Variants in RFC3 observed in about 807,000 individuals in gnomAD.
RFC3 encodes A1 38 kDa subunit.
Under a neutral mutation model 45.1 loss-of-function variants are expected in RFC3, and 41 were observed. The observed-to-expected ratio is 0.91, with a 90% CI of 0.71 to 1.18. RFC3 has a LOEUF of 1.18. Ranked by LOEUF, RFC3 falls within the 50% of genes most tolerant of loss-of-function variation. The probability of loss-of-function intolerance (pLI) is 0.00; values close to 1 mark genes in which losing one functional copy is unlikely to be tolerated. For missense variants in RFC3, 423 were observed against 428.1 expected (o/e 0.99, Z 0.10); for synonymous variants, 149 against 144.0 (o/e 1.03, Z -0.25).
At chr13:33,902,343 A>G (rs1195286000) in intron 8 of RFC3, among the ~76,000 whole-genome samples, 2 of 152,052 alleles carry the variant, frequency 1.3e-5, no homozygotes, top group Admixed American at 1.3e-4. Context: ...GTGGAGAAAC[A>G]TGGGGCTGTC....
chr13:33,950,072 TACACACACACAC>T (rs71196530), intron 8 of RFC3, among the ~76,000 whole-genome samples: 3 of 144,840 alleles, frequency 2.1e-5, no homozygotes, highest in Non-Finnish European at 4.6e-5. Flanking sequence ...TCTCTCGCTC[TACACACACACAC>T]ACACACACAC....
intron 8 of RFC3, among the ~76,000 whole-genome samples, chr13:33,932,791 A>G (rs1347043856): frequency 6.6e-6 from 1 of 152,212 alleles, no homozygotes; most frequent in Non-Finnish European, 1.5e-5. Flanking sequence ...CTTGCAAAGT[A>G]TATTGCCATA....
intron 2 of RFC3, among the ~76,000 whole-genome samples, chr13:33,822,245 A>G (rs540887326): frequency 2.0e-5 from 3 of 152,354 alleles, no homozygotes; most frequent in African/African-American, 7.2e-5. Flanking sequence ...TATCTTATAG[A>G]GGGACAATAA....
chr13:33,862,179 G>A (rs1442131392), intron 8 of RFC3, among the ~76,000 whole-genome samples: 1 of 151,774 alleles, frequency 6.6e-6, no homozygotes, highest in African/African-American at 2.4e-5. Flanking sequence ...TAGCCCTGTC[G>A]GCATTTTCTC....
chr13:33,894,926 A>G lies in RFC3; in HGVS notation c.879+59709A>G, dbSNP rs188961312. ...GGGGGAAAGGACACCTATTCAATGA[A>G]TGGTGAGAACACTGGATAATTCACA... is the stretch of plus-strand genomic sequence containing the variant. On this transcript the variant is annotated intron_variant, in intron 8 of 8. Transcript: ENST00000434425. Among the ~76,000 whole-genome samples, 16 of 152,308 alleles carry G rather than the reference A, an allele frequency of 1.1e-4. No homozygotes were observed. In the East Asian group the frequency reaches 2.5e-3, roughly 24 times the overall value.
intron 8 of RFC3, among the ~76,000 whole-genome samples, chr13:33,875,888 A>G (rs1264204885): frequency 6.6e-6 from 1 of 152,154 alleles, no homozygotes; most frequent in African/African-American, 2.4e-5. Context: ...TCCTGGCATC[A>G]GTTTCCTGAA....
At chr13:33,871,241 A>G (rs2082405540) in intron 8 of RFC3, among the ~76,000 whole-genome samples, 1 of 152,204 alleles carries the variant, frequency 6.6e-6, no homozygotes, top group South Asian at 2.1e-4. Context: ...GGCTCAAAAC[A>G]ACCCACATTT....
chr13:33,880,457 A>G (rs947527456), intron 8 of RFC3, among the ~76,000 whole-genome samples: 1 of 152,172 alleles, frequency 6.6e-6, no homozygotes, highest in Non-Finnish European at 1.5e-5. Context: ...GCTCTAGGCA[A>G]GACTATTCCA....
intron 8 of RFC3, among the ~76,000 whole-genome samples, chr13:33,952,896 G>A (rs1175164539): frequency 6.6e-6 from 1 of 152,070 alleles, no homozygotes; most frequent in Non-Finnish European, 1.5e-5. Flanking sequence ...GCCCTTGGTT[G>A]CAGATCTGTT....
chr13:33,921,232 C>T (rs1246168880), intron 8 of RFC3, among the ~76,000 whole-genome samples: 1 of 152,146 alleles, frequency 6.6e-6, no homozygotes. Context: ...CAATGAGGCT[C>T]ACATCTACTA....
chr13:33,976,923 C>T, the RFC3 span, among the ~76,000 whole-genome samples: 18 of 152,194 alleles, frequency 1.2e-4, no homozygotes, highest in East Asian at 3.5e-3. Flanking sequence ...ACAAACACTA[C>T]CTCGCCCAGG....
chr13:33,860,972 G>C (rs891439845), intron 8 of RFC3, among the ~76,000 whole-genome samples: 9 of 151,876 alleles, frequency 5.9e-5, no homozygotes, highest in Non-Finnish European at 1.2e-4. Context: ...TATGATCCTA[G>C]CTCATTGTAG....
chr13:33,856,608 G>T (rs1162807659), intron 8 of RFC3, among the ~76,000 whole-genome samples: 1 of 152,170 alleles, frequency 6.6e-6, no homozygotes, highest in African/African-American at 2.4e-5. Flanking sequence ...CAGACAATTG[G>T]TCTTGAATGA....
chr13:33,820,990 T>C, intron 1 of RFC3, 142 bp from the exon 2 acceptor site: 1 of 520,628 alleles, frequency 1.9e-6, no homozygotes, highest in Non-Finnish European at 3.4e-6. Context: ...TTTACACATA[T>C]ATAAAAAATT....
intron 1 of RFC3, 88 bp from the exon 2 acceptor site, chr13:33,821,044 T>A (rs1007181026): frequency 1.5e-6 from 2 of 1,344,012 alleles, no homozygotes; most frequent in Non-Finnish European, 2.0e-6. Context: ...GGTAGACACA[T>A]AAAATATTTG....
rs1333406594 is a variant in RFC3, at chr13:33,934,180, A to T, written c.880-31907A>T. Among the ~76,000 whole-genome samples the T allele has an allele frequency of 1.3e-5, 2 of 151,664 alleles. 1 individual carries two copies. Among genetic ancestry groups the T allele is most frequent in the Admixed American group, 1.3e-4 (2 of 15,212 alleles). ...GACTTCATCTCTACTAAAAGAAAAA[A>T]AAAAAATCTGGGTGCAATGGTGAGC... is the stretch of plus-strand genomic sequence containing the variant. On this transcript the variant is annotated intron_variant, in intron 8 of 8. Transcript: ENST00000434425.
At chr13:33,942,143 A>C (rs947246829) in intron 8 of RFC3, among the ~76,000 whole-genome samples, 4 of 151,978 alleles carry the variant, frequency 2.6e-5, no homozygotes, top group Non-Finnish European at 2.9e-5. Context: ...TGTTTGATAA[A>C]TCTAATGCCT....
At chr13:33,839,168 C>T (rs555914244), downstream of RFC3, among the ~76,000 whole-genome samples, 23 of 152,230 alleles carry the variant, frequency 1.5e-4, no homozygotes, top group Non-Finnish European at 2.2e-4. Flanking sequence ...CTAGTTTAGC[C>T]GTCCGTCAGT....
intron 8 of RFC3, among the ~76,000 whole-genome samples, chr13:33,919,350 G>T (rs949990469): frequency 2.0e-5 from 3 of 151,860 alleles, no homozygotes; most frequent in Non-Finnish European, 4.4e-5. Flanking sequence ...AAAGTAGTTA[G>T]GCTGAATTGC....
Sources: allele counts gnomAD v4.1 joint callset (sites outside exome capture counted in the v4.1 genomes callset), GRCh38; gene constraint gnomAD v4.1.1; transcripts MANE v1.5; gene names NCBI Gene and HGNC (gene_info 2026-07-23, HGNC 2026-07-21).